The following FANCA variants were observed in gnomAD, a reference collection of about 807,000 sequenced individuals.
The protein encoded by FANCA is FA complementation group A.
In FANCA, 236 loss-of-function variants were observed where a neutral mutation model predicts 194.3. The observed-to-expected ratio is 1.21, with a 90% CI of 1.09 to 1.35. The LOEUF is 1.35. Among genes scored for constraint, FANCA ranks in the 40% most tolerant of loss-of-function variants. The pLI is 0.00. For missense variants in FANCA, 2,628 were observed against 1,813.9 expected (o/e 1.45, Z -8.15); for synonymous variants, 1,014 against 715.8 (o/e 1.42, Z -6.65).
chr16:89,745,874 G>C (rs574465885), intron 35 of FANCA, among the ~76,000 whole-genome samples: 45 of 152,360 alleles, frequency 3.0e-4, no homozygotes, highest in African/African-American at 9.4e-4. Flanking sequence ...TCAGCTGAGA[G>C]GTGGCGTTCT....
At chr16:89,784,704 G>A (rs1208656864) in intron 15 of FANCA, 150 bp downstream of exon 15, 42 of 737,472 alleles carry the variant, frequency 5.7e-5, no homozygotes, top group South Asian at 1.8e-4. Flanking sequence ...CACCATAAAC[G>A]GCTTGGGGAA....
At chr16:89,740,159 G>C in intron 38 of FANCA, 60 bp from the exon 39 acceptor site, 1 of 1,337,232 alleles carries the variant, frequency 7.5e-7, no homozygotes, top group Non-Finnish European at 1.1e-6. Flanking sequence ...ATGGGTAGGA[G>C]GGTACAGCCC....
Position 89,775,768 on chromosome 16 carries a change from C to A in FANCA, c.1874G>T (p.Cys625Phe), listed in dbSNP as rs139235751. 1 of 1,612,776 alleles carries A rather than the reference C, an allele frequency of 6.2e-7. No homozygotes were observed. Among genetic ancestry groups the A allele is most frequent in the African/African-American group, 1.3e-5 (1 of 75,002 alleles). Residue 625 changes from cysteine to phenylalanine, a missense_variant, in exon 21 of 43, where the codon TGC becomes TTC. Transcript: ENST00000389301. The stretch of plus-strand genomic sequence containing the variant: ...TTCTGGCTTCTCTTCAGCAGCAGAG[C>A]AGGCCTGGCAGTAGGTGGAGTACAG... ...PSLYSTYCQA[C>F]SAAEEKPEDA...
rs747645948 is a variant in FANCA, at chr16:89,808,349, C to CTT, written c.539_540dup (p.Ala181LysfsTer12). The CTT allele has an allele frequency of 5.0e-6, 8 of 1,614,152 alleles. No homozygotes were observed. The South Asian group carries it at 8.8e-5, about 18-fold the overall frequency. On this transcript the variant is annotated frameshift_variant, in exon 6 of 43. Transcript: ENST00000389301. LOFTEE classifies it high-confidence loss of function. The stretch of plus-strand genomic sequence containing the variant: ...CCTTGTACGTGAAGATGCCACACCG[C>CTT]TTCAAGCAACAAAGAACTCTGAAAA...
chr16:89,790,388 C>T (rs565771279), intron 14 of FANCA, among the ~76,000 whole-genome samples: 39 of 146,768 alleles, frequency 2.7e-4, no homozygotes, highest in Non-Finnish European at 4.4e-4. Context: ...AATGAGACTC[C>T]ACCTCAAAAA....
At chr16:89,762,676 T>G (rs1279484657) in intron 28 of FANCA, 1 of 367,140 alleles carries the variant, frequency 2.7e-6, no homozygotes, top group Non-Finnish European at 5.7e-6. Flanking sequence ...TTGCCCAGGC[T>G]GGAGTGTGTG....
intron 23 of FANCA, among the ~76,000 whole-genome samples, chr16:89,770,999 T>C (rs569009280): frequency 6.6e-6 from 1 of 151,936 alleles, no homozygotes; most frequent in Non-Finnish European, 1.5e-5. Context: ...ACCCTGTCTT[T>C]ACTAAAAATA....
intron 21 of FANCA, among the ~76,000 whole-genome samples, chr16:89,774,376 C>T (rs543392334): frequency 3.9e-5 from 6 of 152,208 alleles, no homozygotes; most frequent in South Asian, 2.1e-4. Context: ...CGCCTCACAC[C>T]GCAGGGTACA....
intron 10 of FANCA, among the ~76,000 whole-genome samples, chr16:89,796,988 C>A (rs939649300): frequency 3.4e-5 from 5 of 148,120 alleles, no homozygotes; most frequent in African/African-American, 1.2e-4. Context: ...GAAACCCCAT[C>A]TCTACTAAAA....
chr16:89,791,329 G>C (rs1352366279), intron 14 of FANCA, 74 bp downstream of exon 14: 2 of 1,569,574 alleles, frequency 1.3e-6, no homozygotes, highest in Non-Finnish European at 1.7e-6. Flanking sequence ...GAATCAGGTG[G>C]GGACAGCATG....
In FANCA at chr16:89,744,946, C is replaced by A. The variant is rs2143086671; in HGVS notation, c.3626+13G>T. ...TCTGGGCGGGCACACCCCATCTCAC[C>A]ACCCACACGTACTCGCTGGCAAACT... On this transcript the variant is annotated intron_variant, in intron 36 of 42. Coordinates refer to ENST00000389301, the MANE Select transcript of FANCA (RefSeq NM_000135.4). 6.2e-7 allele frequency: 1 copy of A among 1,610,332 alleles called. No homozygotes were observed.
At chr16:89,816,162 G>A in intron 1 of FANCA, 176 bp from the exon 2 acceptor site, 1 of 661,820 alleles carries the variant, frequency 1.5e-6, no homozygotes, top group Non-Finnish European at 2.8e-6. Context: ...CCCCACCGCG[G>A]ACGCCGGGGA....
intron 8 of FANCA, among the ~76,000 whole-genome samples, chr16:89,802,190 G>A (rs971920856): frequency 2.6e-5 from 4 of 151,858 alleles, no homozygotes; most frequent in African/African-American, 4.8e-5. Flanking sequence ...TGCAACCTCC[G>A]CCTCCTGGGT....
chr16:89,798,622 C>T (rs1314877903), intron 10 of FANCA: 4 of 1,176,564 alleles, frequency 3.4e-6, no homozygotes, highest in Admixed American at 4.1e-5. Context: ...CACCCAGCCC[C>T]CACTCCTCAG....
At chr16:89,805,495 G>T in intron 6 of FANCA, 103 bp from the exon 7 acceptor site, 2 of 825,158 alleles carry the variant, frequency 2.4e-6, no homozygotes, top group Non-Finnish European at 2.0e-6. Flanking sequence ...ACAGTTTTTT[G>T]CTGTCACTGA....
intron 27 of FANCA, among the ~76,000 whole-genome samples, chr16:89,765,763 G>C (rs558818827): frequency 3.8e-4 from 58 of 152,332 alleles, no homozygotes; most frequent in African/African-American, 1.4e-3. Context: ...TCAGCATGCT[G>C]GGTGGGAACC....
At chr16:89,778,541 T>A in intron 20 of FANCA, 2 of 406,672 alleles carry the variant, frequency 4.9e-6, no homozygotes, top group Middle Eastern at 7.7e-4. Context: ...AGCAAGAGAA[T>A]CGCTTGAACC....
At chr16:89,794,016 C>G (rs894699116) in intron 11 of FANCA, among the ~76,000 whole-genome samples, 11 of 152,166 alleles carry the variant, frequency 7.2e-5, no homozygotes, top group Non-Finnish European at 1.3e-4. Flanking sequence ...TCCCAAAATG[C>G]TGGGATTACA....
chr16:89,747,573 C>T (rs985974931), intron 33 of FANCA, among the ~76,000 whole-genome samples: 1 of 152,044 alleles, frequency 6.6e-6, no homozygotes, highest in Non-Finnish European at 1.5e-5. Flanking sequence ...GCGGCAGGCA[C>T]CTGTAGTCCC....
Sources: allele counts gnomAD v4.1 joint callset (sites outside exome capture counted in the v4.1 genomes callset), GRCh38; gene constraint gnomAD v4.1.1; transcripts MANE v1.5; gene names NCBI Gene and HGNC (gene_info 2026-07-23, HGNC 2026-07-21).